Variants in SHROOM4 observed in about 807,000 individuals in gnomAD.
SHROOM4 encodes shroom family member 4.
A neutral mutation model predicts 80.3 loss-of-function variants in SHROOM4; 17 were observed. That is an observed-to-expected ratio of 0.21 (90% CI 0.14 to 0.32). The LOEUF (loss-of-function observed/expected upper bound fraction) is 0.32, where lower values mean the gene tolerates loss of function less well. Among genes scored for constraint, SHROOM4 ranks in the 10% least tolerant of loss-of-function variants. SHROOM4 has a pLI of 1.00. For synonymous variants in SHROOM4, 400 were observed against 437.5 expected (o/e 0.91, Z 1.07); for missense variants, 993 against 1,140.3 (o/e 0.87, Z 1.86).
At chrX:50,750,466 T>C in intron 1 of SHROOM4, among the ~76,000 whole-genome samples, 1 of 111,758 alleles carries the variant, frequency 8.9e-6, no homozygotes, top group Non-Finnish European at 1.9e-5. Flanking sequence ...TTCACCATGT[T>C]GGCCGGGCTG....
the SHROOM4 span, among the ~76,000 whole-genome samples, chrX:50,577,984 G>A: frequency 8.9e-6 from 1 of 111,818 alleles, no homozygotes; most frequent in Non-Finnish European, 1.9e-5. Flanking sequence ...CAGCAAATGG[G>A]AATTATTAAC....
intron 1 of SHROOM4, among the ~76,000 whole-genome samples, chrX:50,737,232 T>C (rs1557266772): frequency 9.0e-6 from 1 of 110,683 alleles, no homozygotes; most frequent in African/African-American, 3.3e-5. Flanking sequence ...TTGAAAATCA[T>C]TGAAAAATTA....
chrX:50,727,515 G>T (rs1934268214), intron 1 of SHROOM4, among the ~76,000 whole-genome samples: 1 of 111,840 alleles, frequency 8.9e-6, no homozygotes, highest in Admixed American at 9.4e-5. Flanking sequence ...GGAGGTGACT[G>T]AATCATGGTG....
rs1317683710 is a variant in SHROOM4, at chrX:50,596,458, G to C, written c.*237C>G. On this transcript the variant is annotated 3_prime_UTR_variant, in exon 9 of 9. Transcript: ENST00000376020. ...GCCCTTGGCAACTGTGGGAAGGAGA[G>C]TGTGGTTCTAAGATCACACCTTGCT... The C allele has an allele frequency of 5.3e-5, 27 of 509,143 alleles. No homozygotes were observed. Among genetic ancestry groups the C allele is most frequent in the Non-Finnish European group, 9.1e-5 (26 of 286,509 alleles). The allele number at this position is 509,143 out of a possible 1,213,427, so 42.0% of individuals were successfully genotyped here.
At chrX:50,681,782 C>T (rs1932944672) in intron 2 of SHROOM4, among the ~76,000 whole-genome samples, 1 of 111,913 alleles carries the variant, frequency 8.9e-6, no homozygotes, top group South Asian at 3.8e-4. Context: ...ACTGATATAC[C>T]CCCAGTTCCT....
chrX:50,721,588 C>A (rs5961147), intron 1 of SHROOM4, among the ~76,000 whole-genome samples: 2,464 of 111,052 alleles, frequency 0.022, 66 homozygotes, highest in African/African-American at 0.075. Context: ...TCAGCAAGGT[C>A]TTTAGGACCT....
intron 5 of SHROOM4, among the ~76,000 whole-genome samples, chrX:50,612,049 AC>A (rs782639529): frequency 8.9e-6 from 1 of 111,836 alleles, no homozygotes; most frequent in East Asian, 2.8e-4. Context: ...TAAACCTAAA[AC>A]AAAGCAGAAA....
chrX:50,605,831 T>A lies in SHROOM4; in HGVS notation c.3761+1550A>T, dbSNP rs782026788. On this transcript the variant is annotated intron_variant, in intron 6 of 8. Transcript: ENST00000376020. ...TATTGGGAGGATTAAATGAAATAGA[T>A]ACATAATGTCTGGCAGTGTCTGGTA... Among the ~76,000 whole-genome samples, 3 of 112,658 alleles carry A rather than the reference T, an allele frequency of 2.7e-5. No individual in the cohort carries two copies. The South Asian group carries it at 1.1e-3, about 41-fold the overall frequency.
rs1469911051 is a variant in SHROOM4 at position 50,638,168 on chromosome X, A to T, written c.404+6T>A. The T allele has an allele frequency of 1.7e-6, 2 of 1,202,173 alleles. No individual in the cohort carries two copies. The highest frequency in any genetic ancestry group is 2.2e-6 in the Non-Finnish European group (2 of 891,262). On this transcript the variant is annotated splice_donor_region_variant and intron_variant, in intron 3 of 8. Coordinates refer to ENST00000376020, the MANE Select transcript of SHROOM4 (RefSeq NM_020717.5). ...GCCTGTCTTGAGGGGAGGGCTCTAG[A>T]CTCACCTTGTGTTGCAGCCAGAATG...
Position 50,592,054 on chromosome X carries a change from T to C in SHROOM4, c.*4641A>G, listed in dbSNP as rs1182450753. The stretch of plus-strand genomic sequence containing the variant: ...TTAATAACATTTTCGGATTGTTCAT[T>C]TGATCTTGTGTTTTAACCTTGTATC... On this transcript the variant is annotated 3_prime_UTR_variant, in exon 9 of 9. Coordinates refer to ENST00000376020, the MANE Select transcript of SHROOM4 (RefSeq NM_020717.5). 6.1e-6 allele frequency: 2 copies of C among 328,056 alleles called. No individual in the cohort carries two copies. Among genetic ancestry groups the C allele is most frequent in the East Asian group, 1.9e-4 (2 of 10,267 alleles). The allele number at this position is 328,056 out of a possible 1,213,427, so 27.0% of individuals were successfully genotyped here.
chrX:50,779,418 C>A (rs1157491573), intron 1 of SHROOM4, among the ~76,000 whole-genome samples: 1 of 112,329 alleles, frequency 8.9e-6, no homozygotes. Context: ...ATTGTAAGAA[C>A]TCACAAGCTT....
intron 1 of SHROOM4, among the ~76,000 whole-genome samples, chrX:50,768,127 T>C (rs1935316561): frequency 8.9e-6 from 1 of 111,880 alleles, no homozygotes; most frequent in Non-Finnish European, 1.9e-5. Flanking sequence ...TGGTTCTAAG[T>C]TGGAGGTTTT....
At chrX:50,640,613 T>C (rs1304735910) in intron 2 of SHROOM4, among the ~76,000 whole-genome samples, 7 of 111,668 alleles carry the variant, frequency 6.3e-5, no homozygotes, top group Non-Finnish European at 1.3e-4. Context: ...TGGGGTACTC[T>C]CCTATTCAAG....
At chrX:50,728,867 C>A (rs1934299213) in intron 1 of SHROOM4, among the ~76,000 whole-genome samples, 1 of 111,258 alleles carries the variant, frequency 9.0e-6, no homozygotes, top group Non-Finnish European at 1.9e-5. Context: ...AAGGGTGACC[C>A]CTAAGAAGAC....
At chrX:50,667,164 A>T (rs1369961550) in intron 2 of SHROOM4, among the ~76,000 whole-genome samples, 1 of 111,235 alleles carries the variant, frequency 9.0e-6, no homozygotes, top group Non-Finnish European at 1.9e-5. Context: ...CCCAGAAGGG[A>T]TCTTGACATT....
rs1256255314 is a variant in SHROOM4 at position 50,607,993 on chromosome X, G to C, written c.3149C>G (p.Pro1050Arg). The C allele has an allele frequency of 3.3e-6, 4 of 1,210,114 alleles. No individual in the cohort carries two copies. In the African/African-American group the frequency reaches 5.2e-5, roughly 16 times the overall value. ...GAAGGCACGGCTGCGCAGTGGGTGG[G>C]GCATGGAGGCAAGGGAGCTCCCCTC... ...YEEGSSLASM[P>R]HPLRSRAFSE... Residue 1050 changes from proline (P) to arginine (R), a missense_variant, in exon 6 of 9, where the codon CCC (proline) becomes CGC (arginine). Physicochemically the swap from Pro to Arg is moderately radical, Grantham distance 103. Transcript: ENST00000376020.
downstream of SHROOM4, among the ~76,000 whole-genome samples, chrX:50,584,762 G>C (rs1928728268): frequency 9.0e-6 from 1 of 110,950 alleles, no homozygotes; most frequent in Admixed American, 9.6e-5. Flanking sequence ...TAATCACTGA[G>C]ATATAAAGAA....
chrX:50,782,788 T>C (rs190122178), intron 1 of SHROOM4, among the ~76,000 whole-genome samples: 1 of 111,924 alleles, frequency 8.9e-6, no homozygotes, highest in African/African-American at 3.2e-5. Context: ...ATTCTACTTA[T>C]ATGGAATATC....
intron 1 of SHROOM4, among the ~76,000 whole-genome samples, chrX:50,776,679 CTT>C (rs781943189): frequency 2.3e-4 from 25 of 110,591 alleles, no homozygotes; most frequent in Non-Finnish European, 4.4e-4. Context: ...TCTCTAAAGA[CTT>C]TTTTTCTTTT....
Sources: gnomAD v4.1 joint callset for allele counts (sites outside exome capture counted in the v4.1 genomes callset) on GRCh38, gnomAD v4.1.1 for gene constraint, MANE v1.5 for transcripts, NCBI Gene and HGNC (gene_info 2026-07-23, HGNC 2026-07-21) for gene names.